Variants in COG7 observed in about 807,000 individuals in gnomAD.
The protein encoded by COG7 is conserved oligomeric Golgi complex subunit 7.
In COG7, 49 loss-of-function variants were observed where a neutral mutation model predicts 91.5. The ratio of observed to expected loss-of-function variants is 0.54; its 90% CI spans 0.43 to 0.68. The LOEUF is 0.68. COG7 is among the 30% of genes least tolerant of loss of function. The pLI is 0.00. For synonymous variants in COG7, 365 were observed against 388.7 expected (o/e 0.94, Z 0.72); for missense variants, 895 against 961.3 (o/e 0.93, Z 0.91).
chr16:23,416,631 C>T (rs1396033515), intron 9 of COG7: 1 of 352,074 alleles, frequency 2.8e-6, no homozygotes, highest in South Asian at 2.4e-5. Context: ...CCGCACCAGG[C>T]CAAAGGTCCT....
intron 9 of COG7, 89 bp from the exon 10 acceptor site, chr16:23,413,653 T>G (rs1461491305): frequency 1.2e-6 from 1 of 806,048 alleles, no homozygotes; most frequent in East Asian, 2.4e-5. Flanking sequence ...CTGGACAAAT[T>G]GCTAATGGCC....
intron 7 of COG7, among the ~76,000 whole-genome samples, chr16:23,423,896 A>G (rs1963801082): frequency 6.6e-6 from 1 of 152,194 alleles, no homozygotes; most frequent in Admixed American, 6.5e-5. Flanking sequence ...AAATGGGAGT[A>G]AGGGGTGCTC....
rs116314856 is a variant in COG7 at position 23,424,854 on chromosome 16, C to T, written c.904G>A (p.Val302Met). ...TCCTGCTCGGGCCCTGCCCTCTCCA[C>T]GCCGTTGCTGAGGCAGGAGGGCAGC... ...PSLPSCLSNG[V>M]ERAGPEQELT... The change falls in exon 7 of 17, where the codon GTG becomes ATG. Residue 302 changes from valine to methionine, a missense_variant. Coordinates refer to ENST00000307149, the MANE Select transcript of COG7 (RefSeq NM_153603.4). 190 of 1,614,210 alleles carry T rather than the reference C, an allele frequency of 1.2e-4. No individual in the cohort carries two copies. In the East Asian group the frequency reaches 3.1e-3, roughly 26 times the overall value.
intron 16 of COG7, among the ~76,000 whole-genome samples, chr16:23,391,054 T>C (rs572044112): frequency 1.3e-5 from 2 of 152,234 alleles, no homozygotes; most frequent in Non-Finnish European, 2.9e-5. Context: ...TGTCGCCTTA[T>C]ACCCTGTCAG....
chr16:23,393,302 C>T lies in COG7; in HGVS notation c.1933G>A (p.Val645Met), dbSNP rs780092873. 2 of 1,614,146 alleles carry T rather than the reference C, an allele frequency of 1.2e-6. No individual in the cohort carries two copies. Among genetic ancestry groups the T allele is most frequent in the East Asian group, 2.2e-5 (1 of 44,884 alleles). Residue 645 changes from valine to methionine, a missense_variant, in exon 15 of 17, where the codon GTG becomes ATG. Coordinates refer to ENST00000307149, the MANE Select transcript of COG7 (RefSeq NM_153603.4). ...MSLPLNLEPF[V>M]TQEDSALELA... ...TCTAAGGCAGAGTCCTCCTGAGTCA[C>T]AAATGGCTCAAGATTCAGGGGGAGG...
At chr16:23,411,794 G>T (rs1201872986) in intron 10 of COG7, among the ~76,000 whole-genome samples, 2 of 152,142 alleles carry the variant, frequency 1.3e-5, no homozygotes, top group Non-Finnish European at 2.9e-5. Context: ...CATGAAAGTG[G>T]GTGAAGTGCG....
chr16:23,398,760 G>A (rs930656513), intron 13 of COG7, among the ~76,000 whole-genome samples: 1 of 152,110 alleles, frequency 6.6e-6, no homozygotes, highest in African/African-American at 2.4e-5. Context: ...GGGATGGGAC[G>A]GCACTTCCAA....
intron 13 of COG7, among the ~76,000 whole-genome samples, chr16:23,399,351 C>T (rs1365338989): frequency 6.6e-6 from 1 of 152,180 alleles, no homozygotes; most frequent in Non-Finnish European, 1.5e-5. Context: ...AAAGAGCCTA[C>T]ATTTTTTCCA....
chr16:23,408,136 G>A (rs866884807), intron 11 of COG7, among the ~76,000 whole-genome samples: 15 of 19,620 alleles, frequency 7.6e-4, no homozygotes, highest in South Asian at 2.8e-3. Flanking sequence ...CGAGTGGGGC[G>A]GGAGGCAGGG....
intron 6 of COG7, among the ~76,000 whole-genome samples, chr16:23,430,354 G>A (rs555324013): frequency 4.2e-4 from 64 of 151,964 alleles, no homozygotes; most frequent in African/African-American, 1.5e-3. Flanking sequence ...CCTGAGCCCA[G>A]GGAGGTCAAG....
intron 9 of COG7, chr16:23,415,174 G>A (rs1204009325): frequency 6.6e-6 from 1 of 152,218 alleles, no homozygotes; most frequent in Non-Finnish European, 1.5e-5. Context: ...AGGGTTATAA[G>A]TCCCAGGAAG....
chr16:23,419,348 T>C (rs1387524260), intron 7 of COG7, among the ~76,000 whole-genome samples: 3 of 149,324 alleles, frequency 2.0e-5, no homozygotes, highest in Non-Finnish European at 4.4e-5. Flanking sequence ...GAGGTGGAGG[T>C]TGTGGTGAGC....
intron 11 of COG7, among the ~76,000 whole-genome samples, chr16:23,406,935 C>T (rs965783411): frequency 6.6e-6 from 1 of 152,180 alleles, no homozygotes; most frequent in Non-Finnish European, 1.5e-5. Flanking sequence ...GAATCTTGAC[C>T]TCCACCCTGT....
intron 4 of COG7, among the ~76,000 whole-genome samples, chr16:23,439,412 C>T (rs1964065552): frequency 6.6e-6 from 1 of 151,994 alleles, no homozygotes. Flanking sequence ...ACTTGTACAC[C>T]CATGATCATT....
At chr16:23,437,096 A>C (rs1280880463) in intron 4 of COG7, among the ~76,000 whole-genome samples, 1 of 152,144 alleles carries the variant, frequency 6.6e-6, no homozygotes, top group East Asian at 1.9e-4. Context: ...CCAGCAGAGG[A>C]GGCAGCCTAT....
chr16:23,399,369 C>T (rs1963337909), intron 13 of COG7, among the ~76,000 whole-genome samples: 1 of 152,158 alleles, frequency 6.6e-6, no homozygotes, highest in African/African-American at 2.4e-5. Context: ...CCAGCTAACT[C>T]CCAATCCAGC....
At chr16:23,403,902 C>T (rs1963418660) in intron 12 of COG7, 68 bp from the exon 13 acceptor site, 3 of 1,598,400 alleles carry the variant, frequency 1.9e-6, no homozygotes, top group Non-Finnish European at 2.6e-6. Context: ...GCTAGTTAAC[C>T]ATTTTGAAAA....
chr16:23,432,506 A>AAAAT (rs1302949392), intron 6 of COG7, among the ~76,000 whole-genome samples: 1 of 152,102 alleles, frequency 6.6e-6, no homozygotes, highest in African/African-American at 2.4e-5. Context: ...TTGGAGAAAA[A>AAAAT]AAATAAATAA....
intron 6 of COG7, among the ~76,000 whole-genome samples, chr16:23,431,141 G>A (rs762359689): frequency 1.4e-4 from 21 of 152,272 alleles, no homozygotes; most frequent in South Asian, 4.1e-4. Flanking sequence ...ACTGTACAAC[G>A]TAGGAGGTGG....
Sources: gnomAD v4.1 joint callset for allele counts (sites outside exome capture counted in the v4.1 genomes callset) on GRCh38, gnomAD v4.1.1 for gene constraint, MANE v1.5 for transcripts, NCBI Gene and HGNC (gene_info 2026-07-23, HGNC 2026-07-21) for gene names.